Variants in RDH11 observed in about 807,000 individuals in gnomAD.
RDH11 encodes the protein retinol dehydrogenase 11, also known as HCV core-binding protein HCBP12.
A neutral mutation model predicts 33.4 loss-of-function variants in RDH11; 19 were observed. The observed-to-expected ratio is 0.57, with a 90% CI of 0.40 to 0.83. The LOEUF is 0.83. Ranked by LOEUF, RDH11 falls within the 40% of genes least tolerant of loss-of-function variation. The probability of loss-of-function intolerance (pLI) is 0.00; values close to 1 mark genes in which losing one functional copy is unlikely to be tolerated. For missense variants in RDH11, 353 were observed against 389.0 expected, an observed-to-expected ratio of 0.91 and a Z score of 0.78; for synonymous variants, 154 against 155.3, an observed-to-expected ratio of 0.99 and a Z score of 0.06.
intron 6 of RDH11, among the ~76,000 whole-genome samples, chr14:67,681,316 A>G (rs2037613066): frequency 6.6e-6 from 1 of 152,228 alleles, no homozygotes; most frequent in Non-Finnish European, 1.5e-5. Context: ...ATAAATTTAT[A>G]TTGTTTAAGC....
chr14:67,691,972 T>C (rs1344887161), intron 3 of RDH11: 2 of 156,152 alleles, frequency 1.3e-5, no homozygotes, highest in South Asian at 3.9e-4. Flanking sequence ...TATCCATCTA[T>C]GTCTAAAGAG....
rs71129846 is a variant in RDH11, at chr14:67,677,363, A to ATTTTTTTTTTTTTTTTTTTTTT, written c.*936_*957dup. The ATTTTTTTTTTTTTTTTTTTTTT allele has an allele frequency of 6.3e-5, 2 of 31,978 alleles. No homozygotes were observed. The highest frequency in any genetic ancestry group is 5.7e-4 in the Admixed American group (1 of 1,756). The allele number at this position is 31,978 out of a possible 1,614,324, so 2.0% of individuals were successfully genotyped here. A position where few individuals can be genotyped will look rare whatever the true frequency, so the allele number is the denominator to read the frequency against. Reference sequence around the variant, plus strand: ...TTTTTTTTGTTTGTTTGTTTTTAGGATTTTTTTTTTTTTTTTTTTTTTTTT... The same window carrying ATTTTTTTTTTTTTTTTTTTTTT: ...TTTTTTTTGTTTGTTTGTTTTTAGGATTTTTTTTTTTTTTTTTTTTTTTTTTTTTTTTTTTTTTTTTTTTTTT... On this transcript the variant is annotated 3_prime_UTR_variant, in exon 7 of 7. Transcript: ENST00000381346.
intron 3 of RDH11, 117 bp downstream of exon 3, chr14:67,692,321 G>T (rs372983656): frequency 2.1e-5 from 22 of 1,069,684 alleles, no homozygotes; most frequent in African/African-American, 1.5e-4. Flanking sequence ...AGCTACAGAA[G>T]TTTTTGGCTA....
At chr14:67,682,730 A>C (rs2037629735) in intron 6 of RDH11, among the ~76,000 whole-genome samples, 1 of 152,220 alleles carries the variant, frequency 6.6e-6, no homozygotes, top group African/African-American at 2.4e-5. Flanking sequence ...TATAACCCAG[A>C]AATTCCACTT....
At chr14:67,686,653 A>G (rs950440764) in intron 5 of RDH11, among the ~76,000 whole-genome samples, 1 of 151,370 alleles carries the variant, frequency 6.6e-6, no homozygotes, top group African/African-American at 2.4e-5. Flanking sequence ...AAAAAAAAAA[A>G]AAAAAAGTGC....
chr14:67,687,916 C>T (rs368984018), intron 5 of RDH11, among the ~76,000 whole-genome samples: 20 of 152,058 alleles, frequency 1.3e-4, no homozygotes, highest in East Asian at 5.8e-4. Flanking sequence ...GGATTACAGG[C>T]GCCCGCCACC....
chr14:67,690,001 G>A, intron 5 of RDH11: 1 of 541,780 alleles, frequency 1.8e-6, no homozygotes, highest in Non-Finnish European at 3.3e-6. Context: ...AAGTAGTAAA[G>A]CCAGGCCTTC....
chr14:67,684,295 G>A (rs889640475), intron 6 of RDH11, among the ~76,000 whole-genome samples: 6 of 152,024 alleles, frequency 3.9e-5, no homozygotes, highest in African/African-American at 1.5e-4. Context: ...CTGAAGTAGA[G>A]GTAAAAACAT....
chr14:67,689,246 T>C (rs533782363), intron 5 of RDH11, among the ~76,000 whole-genome samples: 1 of 152,374 alleles, frequency 6.6e-6, no homozygotes, highest in East Asian at 1.9e-4. Flanking sequence ...CAGATGTTCA[T>C]TTGGTAGGAT....
In RDH11 at chr14:67,690,168, CT is replaced by C. The variant is rs35444975; in HGVS notation, c.664+43del. The C allele has an allele frequency of 5.6e-3, 8,812 of 1,560,862 alleles. 53 individuals are homozygous for C. The highest frequency in any genetic ancestry group is 6.1e-3 in the Non-Finnish European group (6,933 of 1,134,414). On this transcript the variant is annotated intron_variant, in intron 5 of 6. Coordinates refer to ENST00000381346, the MANE Select transcript of RDH11 (RefSeq NM_016026.4). ...TTCCATTCCTGTGGCTTTTACCTGC[CT>C]CTCTCTGACTCATGTCTCCACATTC...
chr14:67,686,634 G>A (rs373734256), intron 5 of RDH11, among the ~76,000 whole-genome samples: 11 of 70,166 alleles, frequency 1.6e-4, no homozygotes, highest in African/African-American at 5.2e-4. Flanking sequence ...GTGAGACACC[G>A]GTGCAAAAAA....
chr14:67,691,474 TC>T (rs2037749988), intron 3 of RDH11: 4 of 442,950 alleles, frequency 9.0e-6, no homozygotes, highest in Non-Finnish European at 1.2e-5. Flanking sequence ...ACCTTCCAGA[TC>T]CTTGTAGTTC....
chr14:67,683,365 C>T (rs2140060859), intron 6 of RDH11, among the ~76,000 whole-genome samples: 1 of 152,136 alleles, frequency 6.6e-6, no homozygotes, highest in East Asian at 1.9e-4. Context: ...ATAAATCTAT[C>T]TTCTTATACT....
Position 67,676,934 on chromosome 14 carries a change from A to G in RDH11, c.*1387T>C, listed in dbSNP as rs1428688110. The G allele has an allele frequency of 6.6e-6, 1 of 152,242 alleles. No homozygotes were observed. Among genetic ancestry groups the G allele is most frequent in the Non-Finnish European group, 1.5e-5 (1 of 68,044 alleles). 9.4% of individuals were successfully genotyped at this position (152,242 alleles called of 1,614,324 possible). A position where few individuals can be genotyped will look rare whatever the true frequency, so the allele number is the denominator to read the frequency against. On this transcript the variant is annotated 3_prime_UTR_variant, in exon 7 of 7. Coordinates refer to ENST00000381346, the MANE Select transcript of RDH11 (RefSeq NM_016026.4). ...TAAAACATTAATTCATTTATTCTGC[A>G]CTATTATCAGAATTTTTCTAATTTT...
At chr14:67,694,068 GGTT>G (rs2037791335) in intron 1 of RDH11, among the ~76,000 whole-genome samples, 2 of 152,136 alleles carry the variant, frequency 1.3e-5, no homozygotes, top group African/African-American at 4.8e-5. Context: ...TTGGGACTCT[GGTT>G]AAAACAATCT....
chr14:67,689,944 CAAAA>C, intron 5 of RDH11: 1 of 304,002 alleles, frequency 3.3e-6, no homozygotes, highest in Middle Eastern at 1.1e-3. Flanking sequence ...GATCCCGTCT[CAAAA>C]AAAAAAAAAG....
At chr14:67,691,592 T>A (rs2037751509) in intron 3 of RDH11, 1 of 216,142 alleles carries the variant, frequency 4.6e-6, no homozygotes, top group Non-Finnish European at 9.3e-6. Context: ...AAAAAGAATG[T>A]TCTCTATGTA....
At chr14:67,679,825 T>G (rs17249649) in intron 6 of RDH11, among the ~76,000 whole-genome samples, 4 of 152,146 alleles carry the variant, frequency 2.6e-5, no homozygotes, top group African/African-American at 9.6e-5. Context: ...GTCAAAGTTT[T>G]AAAAAAAATG....
rs1268782914 is a variant in RDH11 at position 67,677,231 on chromosome 14, C to T, written c.*1090G>A. The T allele has an allele frequency of 1.3e-5, 2 of 151,982 alleles. No homozygotes were observed. Among genetic ancestry groups the T allele is most frequent in the Admixed American group, 6.6e-5 (1 of 15,254 alleles). The allele number at this position is 151,982 out of a possible 1,614,324, so 9.4% of individuals were successfully genotyped here. On this transcript the variant is annotated 3_prime_UTR_variant, in exon 7 of 7. Transcript: ENST00000381346. The stretch of plus-strand genomic sequence containing the variant: ...ATAAAATACAAAATTTTGGCACAGA[C>T]ATTTTAATCTTGTCAAGACAATGTA...
Sources: allele counts gnomAD v4.1 joint callset (sites outside exome capture counted in the v4.1 genomes callset), GRCh38; gene constraint gnomAD v4.1.1; transcripts MANE v1.5; gene names NCBI Gene and HGNC (gene_info 2026-07-23, HGNC 2026-07-21).